Variants in CELA2B observed in about 807,000 individuals in gnomAD.
CELA2B encodes the protein chymotrypsin-like elastase family member 2B.
In CELA2B, 27 loss-of-function variants were observed where a neutral mutation model predicts 36.5. The ratio of observed to expected loss-of-function variants is 0.74; its 90% confidence interval spans 0.55 to 1.02. The LOEUF is 1.02. CELA2B is among the 50% of genes least tolerant of loss of function. The pLI is 0.00. For synonymous variants in CELA2B, 143 were observed against 148.5 expected (o/e 0.96, Z 0.27); for missense variants, 340 against 347.8 (o/e 0.98, Z 0.18).
chr1:15,490,598 T>C (rs1708871205), intron 7 of CELA2B, among the ~76,000 whole-genome samples: 1 of 152,150 alleles, frequency 6.6e-6, no homozygotes, highest in African/African-American at 2.4e-5. Context: ...CTGGGCGCGG[T>C]GGCTCACGCC....
In CELA2B at chr1:15,490,256, CTATA is replaced by C. The variant is rs201780980; in HGVS notation, c.793-1036_793-1033del. Among the ~76,000 whole-genome samples the C allele has an allele frequency of 1.3e-3, 174 of 136,612 alleles. 2 individuals are homozygous for C. In the East Asian group the frequency reaches 0.026, roughly 21 times the overall value. The allele number at this position is 136,612 out of a possible 152,430, so 89.6% of individuals were successfully genotyped here. ...TCTATCTATCTATCTATCTATCTATCTATATACACACACACACACATAGACACTG... is the reference window on the plus strand; with the variant it reads ...TCTATCTATCTATCTATCTATCTATCTACACACACACACACATAGACACTG... On this transcript the variant is annotated intron_variant, in intron 7 of 7. Transcript: ENST00000375910.
chr1:15,490,285 G>A (rs1474452302), intron 7 of CELA2B, among the ~76,000 whole-genome samples: 1 of 151,858 alleles, frequency 6.6e-6, no homozygotes, highest in African/African-American at 2.4e-5. Context: ...CATAGACACT[G>A]TCTTCTAAGC....
chr1:15,483,100 ACT>A (rs1408185997), intron 4 of CELA2B, among the ~76,000 whole-genome samples, 162 bp from the exon 5 acceptor site: 13 of 152,126 alleles, frequency 8.5e-5, no homozygotes, highest in Non-Finnish European at 1.8e-4. Context: ...GGCCACCGTG[ACT>A]GGCCGACCCT....
chr1:15,476,602 C>G lies in CELA2B; in HGVS notation c.129+57C>G, dbSNP rs1034474869. 7.9e-6 allele frequency: 12 copies of G among 1,517,770 alleles called. No individual in the cohort carries two copies. In the East Asian group the frequency reaches 1.1e-4, roughly 14 times the overall value. 94.0% of individuals were successfully genotyped at this position (1,517,770 alleles called of 1,614,324 possible). ...CCTGCCCCACTCCCTTTACATCCCC[C>G]CTTTGCCCTTCCACCATGGCGTCTA... On this transcript the variant is annotated intron_variant, in intron 2 of 7. Transcript: ENST00000375910.
intron 7 of CELA2B, among the ~76,000 whole-genome samples, chr1:15,489,083 C>T (rs909137269): frequency 1.3e-5 from 2 of 152,208 alleles, no homozygotes; most frequent in African/African-American, 2.4e-5. Context: ...ACTGACTGGA[C>T]GAAAGGCTGC....
At chr1:15,482,480 C>A in intron 4 of CELA2B, 87 bp downstream of exon 4, 1 of 1,557,396 alleles carries the variant, frequency 6.4e-7, no homozygotes, top group Non-Finnish European at 8.8e-7. Context: ...AACCCCACCA[C>A]ACCCCCTCTG....
At chr1:15,482,873 C>T (rs1014722224) in intron 4 of CELA2B, among the ~76,000 whole-genome samples, 2 of 152,198 alleles carry the variant, frequency 1.3e-5, no homozygotes, top group African/African-American at 4.8e-5. Context: ...GCAAGCTCCG[C>T]CTCCTGGGTT....
chr1:15,480,985 G>A (rs1708734766), intron 2 of CELA2B, 113 bp from the exon 3 acceptor site: 1 of 1,105,294 alleles, frequency 9.0e-7, no homozygotes, highest in African/African-American at 1.5e-5. Context: ...TTGTGTACCT[G>A]AGGTGAGTGC....
chr1:15,476,344 T>C (rs1462221836), intron 1 of CELA2B, 113 bp from the exon 2 acceptor site: 24 of 1,402,454 alleles, frequency 1.7e-5, no homozygotes, highest in Non-Finnish European at 2.3e-5. Context: ...TATGACCTCT[T>C]GGGATCCTTC....
intron 4 of CELA2B, among the ~76,000 whole-genome samples, chr1:15,482,895 C>G (rs966543270): frequency 2.0e-5 from 3 of 152,078 alleles, no homozygotes; most frequent in African/African-American, 7.2e-5. Context: ...ACACCGTTCT[C>G]CTGCCTCAGC....
At chr1:15,486,069 C>CAAAAT in intron 6 of CELA2B, 23 bp downstream of exon 6, 1 of 1,605,798 alleles carries the variant, frequency 6.2e-7, no homozygotes, top group Non-Finnish European at 8.5e-7. Context: ...AATCAGGGGC[C>CAAAAT]CCGCTCCATG....
intron 2 of CELA2B, among the ~76,000 whole-genome samples, chr1:15,480,153 G>A (rs1299788593): frequency 3.3e-5 from 5 of 152,066 alleles, no homozygotes; most frequent in Admixed American, 6.5e-5. Context: ...GGGTGATTGC[G>A]ACACACAGTT....
At chr1:15,482,183 C>T in intron 3 of CELA2B, 82 bp from the exon 4 acceptor site, 1 of 1,532,120 alleles carries the variant, frequency 6.5e-7, no homozygotes, top group Non-Finnish European at 8.8e-7. Context: ...CATGAAGCAG[C>T]CAGTTACTTG....
chr1:15,480,055 A>G (rs1398769830), intron 2 of CELA2B, among the ~76,000 whole-genome samples: 1 of 152,174 alleles, frequency 6.6e-6, no homozygotes, highest in African/African-American at 2.4e-5. Context: ...CTTCCATTCA[A>G]AAAGGATCAG....
At position 15,487,349 on chromosome 1, in the gene CELA2B, G is replaced by T. The variant is rs141194336; in HGVS notation, c.704G>T (p.Gly235Val). The change falls in exon 7 of 8, where the codon GGC becomes GTC. Residue 235 changes from glycine (G) to valine (V), a missense_variant. By Grantham distance (109) the Gly-to-Val change is moderately radical (BLOSUM62 -3). Transcript: ENST00000375910. ...SDGRWEVHGIGSLTSVLGCNY... is the reference protein window; with the variant it reads ...SDGRWEVHGIVSLTSVLGCNY... The stretch of plus-strand genomic sequence containing the variant: ...GGCCGGTGGGAGGTGCATGGCATCG[G>T]CAGCCTCACGTCGGTCCTTGGTTGC... The T allele has an allele frequency of 6.9e-3, 11,196 of 1,614,176 alleles. 51 individuals carry two copies. The highest frequency in any genetic ancestry group is 8.8e-3 in the Non-Finnish European group (10,441 of 1,180,022).
intron 2 of CELA2B, among the ~76,000 whole-genome samples, chr1:15,479,282 C>T (rs1395910405): frequency 2.0e-5 from 3 of 152,162 alleles, no homozygotes; most frequent in Admixed American, 6.5e-5. Flanking sequence ...CAGTGGCTCA[C>T]GCATGTAATC....
intron 2 of CELA2B, among the ~76,000 whole-genome samples, chr1:15,479,950 C>T (rs759493007): frequency 2.6e-5 from 4 of 152,130 alleles, no homozygotes; most frequent in African/African-American, 7.2e-5. Context: ...AGAGAGGCCA[C>T]GGAGAGCCTA....
intron 6 of CELA2B, 48 bp from the exon 7 acceptor site, chr1:15,487,237 C>T (rs1557527021): frequency 8.4e-6 from 13 of 1,540,372 alleles, no homozygotes; most frequent in Non-Finnish European, 1.1e-5. Flanking sequence ...TTCCAATGGG[C>T]AGCCCCTTCC....
chr1:15,481,177 C>T lies in CELA2B; in HGVS notation c.209C>T (p.Thr70Met), dbSNP rs756679268. The T allele has an allele frequency of 1.4e-5, 22 of 1,614,062 alleles. No homozygotes were observed. The highest frequency in any genetic ancestry group is 1.7e-4 in the Middle Eastern group (1 of 6,042). The change falls in exon 3 of 8, where the codon ACG becomes ATG. Residue 70 changes from threonine (T) to methionine (M), a missense_variant. Physicochemically the swap from Thr to Met is moderately conservative, Grantham distance 81 (BLOSUM62 -1). Coordinates refer to ENST00000375910, the MANE Select transcript of CELA2B (RefSeq NM_015849.3). ...GSLIANSWVLTAAHCISSSGI... is the reference protein window; with the variant it reads ...GSLIANSWVLMAAHCISSSGI... ...CTGATAGCCAACAGCTGGGTCCTGACGGCTGCCCACTGCATCAGGTAACTG... is the reference window on the plus strand; with the variant it reads ...CTGATAGCCAACAGCTGGGTCCTGATGGCTGCCCACTGCATCAGGTAACTG...
Sources: allele counts gnomAD v4.1 joint callset (sites outside exome capture counted in the v4.1 genomes callset), GRCh38; gene constraint gnomAD v4.1.1; transcripts MANE v1.5; gene names NCBI Gene and HGNC (gene_info 2026-07-23, HGNC 2026-07-21).